ABL1: variants seen among roughly 807,000 people sequenced by gnomAD.
The protein encoded by ABL1 is ABL proto-oncogene 1, non-receptor tyrosine kinase, also known as tyrosine-protein kinase ABL1.
A neutral mutation model predicts 94.7 loss-of-function variants in ABL1; 11 were observed. The observed-to-expected ratio is 0.12, with a 90% confidence interval of 0.07 to 0.19. ABL1 has a LOEUF of 0.19. Ranked by LOEUF, ABL1 falls within the 10% of genes least tolerant of loss-of-function variation. The pLI is 1.00. For synonymous variants in ABL1, 656 were observed against 622.4 expected (o/e 1.05, Z -0.80); for missense variants, 1,082 against 1,489.4 (o/e 0.73, Z 4.50).
At position 130,884,203 on chromosome 9, in the gene ABL1, G is replaced by T. The variant is rs1831521314; in HGVS notation, c.1913G>T (p.Gly638Val). 6.2e-7 allele frequency: 1 copy of T among 1,610,582 alleles called. No homozygotes were observed. ...PERRGAGEEEGRDISNGALAF... is the reference protein window; with the variant it reads ...PERRGAGEEEVRDISNGALAF... Reference sequence around the variant, plus strand: ...CGCAGAGGGGCCGGCGAGGAAGAGGGCCGAGACATCAGCAACGGGGCACTG... The same window carrying T: ...CGCAGAGGGGCCGGCGAGGAAGAGGTCCGAGACATCAGCAACGGGGCACTG... Residue 638 changes from glycine to valine, a missense_variant, in exon 11 of 11, where the codon GGC becomes GTC. By Grantham distance (109) the Gly-to-Val change is moderately radical. This residue lies in a region of ABL1 where 780 missense variants were observed against 835.8 expected (regional missense o/e 0.93). Coordinates refer to ENST00000318560, the MANE Select transcript of ABL1 (RefSeq NM_005157.6). The surrounding 1 kb of genome is among the most constrained non-coding windows in gnomAD (Gnocchi z 5.6).
At position 130,872,306 on chromosome 9, in the gene ABL1, C is replaced by A; in HGVS notation, c.907+93C>A. The A allele has an allele frequency of 8.6e-7, 1 of 1,167,754 alleles. No individual in the cohort carries two copies. The highest frequency in any genetic ancestry group is 1.2e-6 in the Non-Finnish European group (1 of 811,104). The allele number at this position is 1,167,754 out of a possible 1,614,324, so 72.3% of individuals were successfully genotyped here. A position where few individuals can be genotyped will look rare whatever the true frequency, so the allele number is the denominator to read the frequency against. ...GAAGACGCACGGGCGGCTCACTGCACAAAACCTCGTTGGAATATTTGTGCT... is the reference window on the plus strand; with the variant it reads ...GAAGACGCACGGGCGGCTCACTGCAAAAAACCTCGTTGGAATATTTGTGCT... On this transcript the variant is annotated intron_variant, in intron 5 of 10. Transcript: ENST00000318560. The surrounding 1 kb of genome is among the most constrained non-coding windows in gnomAD (Gnocchi z 5.0).
chr9:130,875,368 C>T (rs920434361), intron 7 of ABL1, among the ~76,000 whole-genome samples: 1 of 151,960 alleles, frequency 6.6e-6, no homozygotes, highest in African/African-American at 2.4e-5. Context: ...GTCTAGAACT[C>T]CTGACCTCAG....
At chr9:130,714,848 T>C (rs1386933619) in intron 1 of ABL1, among the ~76,000 whole-genome samples, 1 of 152,232 alleles carries the variant, frequency 6.6e-6, no homozygotes, top group African/African-American at 2.4e-5. Flanking sequence ...CTGCTTTGTC[T>C]ACAGAGAGCT....
chr9:130,812,943 T>G (rs2262297), intron 1 of ABL1, among the ~76,000 whole-genome samples: 152,279 of 152,330 alleles, frequency 1, 76,114 homozygotes, highest in Middle Eastern at 1. Flanking sequence ...ACCCGGCGGG[T>G]TGGCTCACGC....
At chr9:130,750,354 A>C (rs1831943695) in intron 1 of ABL1, among the ~76,000 whole-genome samples, 1 of 142,772 alleles carries the variant, frequency 7.0e-6, no homozygotes. Context: ...AAGAGGAGGA[A>C]AAAAAATCCC....
chr9:130,869,563 G>A (rs984701796), intron 4 of ABL1, among the ~76,000 whole-genome samples: 1 of 152,178 alleles, frequency 6.6e-6, no homozygotes, highest in African/African-American at 2.4e-5. Context: ...GGCCAGCCTC[G>A]TCAGTCCGTG....
At chr9:130,763,185 T>C (rs1037255477) in intron 1 of ABL1, among the ~76,000 whole-genome samples, 45 of 152,100 alleles carry the variant, frequency 3.0e-4, no homozygotes, top group Non-Finnish European at 4.9e-4. Flanking sequence ...GCTTTTTTTT[T>C]TTTTCATTTC....
At chr9:130,835,086 C>T (rs1830544086), upstream of ABL1, 1 of 285,498 alleles carries the variant, frequency 3.5e-6, no homozygotes, top group African/African-American at 2.3e-5. This position sits in a 1 kb window ranked among gnomAD's most constrained non-coding sequence, Gnocchi z 4.6. Context: ...CTGCGAGGAT[C>T]GCCATTGGCC....
chr9:130,819,518 G>T lies in ABL1; in HGVS notation c.137-34546G>T, dbSNP rs149929586. ...TAAACCAGCCAAATGAGACCAGGAA[G>T]TGAAGAAAAATACCTTTTTTTTTTT... On this transcript the variant is annotated intron_variant, in intron 1 of 10. Transcript: ENST00000372348. 1.5e-3 allele frequency among the ~76,000 whole-genome samples: 227 copies of T among 148,750 alleles called. 2 individuals carry two copies. The highest frequency in any genetic ancestry group is 5.2e-3 in the African/African-American group (211 of 40,314).
At chr9:130,790,430 C>T (rs954966544) in intron 1 of ABL1, among the ~76,000 whole-genome samples, 9 of 152,080 alleles carry the variant, frequency 5.9e-5, no homozygotes, top group South Asian at 4.2e-4. Flanking sequence ...GGCCTATGCC[C>T]GTATGCTGGT....
upstream of ABL1, among the ~76,000 whole-genome samples, chr9:130,832,513 T>C (rs1830505378): frequency 6.6e-6 from 1 of 152,206 alleles, no homozygotes. Context: ...TCCTACCTCC[T>C]GGCTGTGTGA....
In ABL1 at chr9:130,885,834, G is replaced by A; in HGVS notation, c.*151G>A. 2.9e-6 allele frequency: 3 copies of A among 1,051,816 alleles called. No homozygotes were observed. The highest frequency in any genetic ancestry group is 3.4e-5 in the South Asian group (2 of 58,546). The allele number at this position is 1,051,816 out of a possible 1,614,324, so 65.2% of individuals were successfully genotyped here. ...CAGGCAGAGCTGAGGGCCCTGTGGA[G>A]TCCAGCTCTACTACCTACGTTTGCA... On this transcript the variant is annotated 3_prime_UTR_variant, in exon 11 of 11. Coordinates refer to ENST00000318560, the MANE Select transcript of ABL1 (RefSeq NM_005157.6).
chr9:130,751,968 C>A (rs1831972560), intron 1 of ABL1, among the ~76,000 whole-genome samples: 1 of 152,134 alleles, frequency 6.6e-6, no homozygotes, highest in African/African-American at 2.4e-5. Context: ...AAAGAAGGGA[C>A]CCTGGAAGGA....
intron 10 of ABL1, among the ~76,000 whole-genome samples, chr9:130,881,282 C>G (rs1457274595): frequency 6.6e-6 from 1 of 152,192 alleles, no homozygotes; most frequent in Non-Finnish European, 1.5e-5. Context: ...CCCCCAGAAC[C>G]AGCAGTCCAG....
At chr9:130,870,099 C>T (rs889197953) in intron 4 of ABL1, among the ~76,000 whole-genome samples, 8 of 152,336 alleles carry the variant, frequency 5.3e-5, no homozygotes, top group African/African-American at 1.9e-4. Context: ...AGGCATGAGC[C>T]ACCACACTCG....
intron 1 of ABL1, among the ~76,000 whole-genome samples, chr9:130,757,904 G>A (rs1161939776): frequency 1.3e-5 from 2 of 152,172 alleles, no homozygotes; most frequent in African/African-American, 4.8e-5. Flanking sequence ...CCTGAAAGAC[G>A]AGAAAGTTGA....
chr9:130,817,498 C>G (rs576781603), intron 1 of ABL1, among the ~76,000 whole-genome samples: 2 of 152,280 alleles, frequency 1.3e-5, no homozygotes, highest in South Asian at 4.1e-4. Flanking sequence ...TTCTAAGTTC[C>G]TAGCCAATCA....
chr9:130,782,687 A>C (rs1033263292), intron 1 of ABL1, among the ~76,000 whole-genome samples: 2 of 152,238 alleles, frequency 1.3e-5, no homozygotes, highest in Non-Finnish European at 2.9e-5. Flanking sequence ...ATGCCTGCGC[A>C]GAGCCCCAGC....
At chr9:130,714,626 C>G in intron 1 of ABL1, 1 of 881,416 alleles carries the variant, frequency 1.1e-6, no homozygotes, top group Admixed American at 1.9e-5. Context: ...AAAGTTACTT[C>G]GTGACTTCGG....
Sources: allele counts gnomAD v4.1 joint callset (sites outside exome capture counted in the v4.1 genomes callset), GRCh38; gene constraint gnomAD v4.1.1; regional missense constraint gnomAD v4.1.1; non-coding constraint Gnocchi (gnomAD v3.1); transcripts MANE v1.5; gene names NCBI Gene and HGNC (gene_info 2026-07-23, HGNC 2026-07-21).